Variants in ALDH1A2 observed in about 807,000 individuals in gnomAD.
ALDH1A2 encodes the protein retinal dehydrogenase 2.
A neutral mutation model predicts 60.3 loss-of-function variants in ALDH1A2; 27 were observed. The observed-to-expected ratio is 0.45, with a 90% CI of 0.33 to 0.62. ALDH1A2 has a LOEUF of 0.62. Among genes scored for constraint, ALDH1A2 ranks in the 20% least tolerant of loss-of-function variants. The probability of loss-of-function intolerance (pLI) is 0.02; values close to 1 mark genes in which losing one functional copy is unlikely to be tolerated. For missense variants in ALDH1A2, 581 were observed against 643.8 expected (o/e 0.90, Z 1.06); for synonymous variants, 289 against 232.4 (o/e 1.24, Z -2.21).
In ALDH1A2 at chr15:57,965,836, A is replaced by G; in HGVS notation, c.799-9T>C. Reference sequence around the variant, plus strand: ...TGGATAAGCTTTCCAACCTGAAAGAAGGGAAATGGAGACAGGTTTTGCAAA... The same window carrying G: ...TGGATAAGCTTTCCAACCTGAAAGAGGGGAAATGGAGACAGGTTTTGCAAA... On this transcript the variant is annotated splice_polypyrimidine_tract_variant and intron_variant, in intron 7 of 12. Transcript: ENST00000249750. 2 of 1,611,468 alleles carry G rather than the reference A, an allele frequency of 1.2e-6. No individual in the cohort carries two copies. Among genetic ancestry groups the G allele is most frequent in the South Asian group, 2.2e-5 (2 of 91,016 alleles).
chr15:57,992,954 G>A lies in ALDH1A2; in HGVS notation c.675C>T (p.Leu225=). Residue 225 remains leucine (L), a synonymous_variant, in exon 6 of 13, where the codon CTC becomes CTT. Coordinates refer to ENST00000249750, the MANE Select transcript of ALDH1A2 (RefSeq NM_003888.4). ...AGTCCGTTTCTCTTACCTCCTTGAT[G>A]AGGGCTCCCATGTAGAGTGCACTGA... ...TPLSALYMGA[L]IKEAGFPPGV... 6.2e-7 allele frequency: 1 copy of A among 1,614,082 alleles called. No homozygotes were observed. Among genetic ancestry groups the A allele is most frequent in the Non-Finnish European group, 8.5e-7 (1 of 1,179,986 alleles).
At chr15:58,047,669 T>C (rs116108180) in intron 1 of ALDH1A2, among the ~76,000 whole-genome samples, 2,377 of 152,110 alleles carry the variant, frequency 0.016, 61 homozygotes, top group African/African-American at 0.048. Context: ...ATTAAGAGTC[T>C]ACCTATACAG....
intron 7 of ALDH1A2, among the ~76,000 whole-genome samples, chr15:57,989,313 A>T (rs1894815483): frequency 6.6e-6 from 1 of 152,244 alleles, no homozygotes; most frequent in Non-Finnish European, 1.5e-5. Flanking sequence ...TTCCTAGATG[A>T]GGAGTCAATA....
chr15:57,975,938 G>T (rs973402913), intron 7 of ALDH1A2, among the ~76,000 whole-genome samples: 2 of 152,016 alleles, frequency 1.3e-5, no homozygotes, highest in Admixed American at 1.3e-4. Context: ...GGATACACAT[G>T]GCCAAGACTT....
At chr15:57,993,591 T>C (rs1212490672) in intron 5 of ALDH1A2, among the ~76,000 whole-genome samples, 1 of 152,194 alleles carries the variant, frequency 6.6e-6, no homozygotes, top group Non-Finnish European at 1.5e-5. Flanking sequence ...TTACAAAAAA[T>C]AAACTGCATA....
intron 1 of ALDH1A2, among the ~76,000 whole-genome samples, chr15:58,042,705 C>G (rs1896549256): frequency 6.6e-6 from 1 of 151,870 alleles, no homozygotes; most frequent in Non-Finnish European, 1.5e-5. Flanking sequence ...TAGTTTTCAT[C>G]CAGAACATGA....
chr15:58,056,462 C>CA (rs1896898297), intron 1 of ALDH1A2, among the ~76,000 whole-genome samples: 2 of 151,948 alleles, frequency 1.3e-5, no homozygotes, highest in South Asian at 4.1e-4. Context: ...GACAGAAATG[C>CA]AAAAAGCAAA....
At chr15:58,011,226 T>C (rs1895624419) in intron 3 of ALDH1A2, among the ~76,000 whole-genome samples, 1 of 152,170 alleles carries the variant, frequency 6.6e-6, no homozygotes, top group Non-Finnish European at 1.5e-5. Context: ...AGACCCCTGC[T>C]GAGAAATGGA....
At chr15:58,045,760 G>C (rs915704264) in intron 1 of ALDH1A2, among the ~76,000 whole-genome samples, 4 of 151,916 alleles carry the variant, frequency 2.6e-5, no homozygotes, top group Admixed American at 6.6e-5. Flanking sequence ...GGGGGGCTAA[G>C]TATGGTACGT....
At chr15:57,979,827 G>T in intron 7 of ALDH1A2, 1 of 270,188 alleles carries the variant, frequency 3.7e-6, no homozygotes, top group South Asian at 5.2e-5. Flanking sequence ...CTGGCAGGCA[G>T]TACTTGGGGT....
chr15:58,036,098 A>T (rs1430805419), intron 1 of ALDH1A2, among the ~76,000 whole-genome samples: 1 of 151,704 alleles, frequency 6.6e-6, no homozygotes, highest in Non-Finnish European at 1.5e-5. Flanking sequence ...TATGAAATAA[A>T]TAGGAGGCCA....
rs1191964102 is a variant in ALDH1A2 at position 57,988,166 on chromosome 15, TAAGTA to T, written c.798+4534_798+4538del. 2.0e-5 allele frequency among the ~76,000 whole-genome samples: 3 copies of T among 152,206 alleles called. No homozygotes were observed. The East Asian group carries it at 5.8e-4, about 29-fold the overall frequency. ...TATTGTGGGGCATATAACCTATGTC[TAAGTA>T]AATTATAGGGCAACAATAACACAAA... On this transcript the variant is annotated intron_variant, in intron 7 of 12. Coordinates refer to ENST00000249750, the MANE Select transcript of ALDH1A2 (RefSeq NM_003888.4).
At chr15:57,978,153 C>T (rs1894336733) in intron 7 of ALDH1A2, among the ~76,000 whole-genome samples, 1 of 152,196 alleles carries the variant, frequency 6.6e-6, no homozygotes, top group African/African-American at 2.4e-5. Context: ...GACAATTTGA[C>T]TTCCTCTCTT....
chr15:58,016,001 C>A (rs1895778712), intron 1 of ALDH1A2, among the ~76,000 whole-genome samples: 1 of 152,110 alleles, frequency 6.6e-6, no homozygotes, highest in African/African-American at 2.4e-5. Context: ...AAGTTAGTTT[C>A]ATTAAGGATC....
At chr15:58,048,800 T>G (rs562419285) in intron 1 of ALDH1A2, among the ~76,000 whole-genome samples, 55 of 152,014 alleles carry the variant, frequency 3.6e-4, no homozygotes, top group Non-Finnish European at 7.9e-4. Flanking sequence ...CTTCTTGGAC[T>G]CTATTTTTTA....
At chr15:58,028,209 A>C (rs931586092) in intron 1 of ALDH1A2, among the ~76,000 whole-genome samples, 2 of 152,238 alleles carry the variant, frequency 1.3e-5, no homozygotes, top group African/African-American at 2.4e-5. Context: ...CCCTTGGCAG[A>C]AGCTCTAAAA....
chr15:58,062,722 G>C (rs1227348610), intron 1 of ALDH1A2, among the ~76,000 whole-genome samples: 3 of 152,086 alleles, frequency 2.0e-5, no homozygotes, highest in Non-Finnish European at 4.4e-5. Context: ...CTTCATAAGG[G>C]ATCACTTTTA....
chr15:58,040,896 G>C (rs1896505216), intron 1 of ALDH1A2, among the ~76,000 whole-genome samples: 1 of 151,814 alleles, frequency 6.6e-6, no homozygotes, highest in Non-Finnish European at 1.5e-5. Context: ...CCTGTTTATA[G>C]ATTAGGAAAG....
chr15:58,041,663 GCTCTGCCCT>G (rs1896521304), intron 1 of ALDH1A2, among the ~76,000 whole-genome samples: 1 of 151,758 alleles, frequency 6.6e-6, no homozygotes, highest in South Asian at 2.1e-4. Flanking sequence ...ACTCATGAGG[GCTCTGCCCT>G]CATGACCTAA....
Sources: gnomAD v4.1 joint callset for allele counts (sites outside exome capture counted in the v4.1 genomes callset) on GRCh38, gnomAD v4.1.1 for gene constraint, MANE v1.5 for transcripts, NCBI Gene and HGNC (gene_info 2026-07-23, HGNC 2026-07-21) for gene names.